The following CACNA1D variants were observed in gnomAD, a reference collection of about 807,000 sequenced individuals.
The protein encoded by CACNA1D is voltage-dependent L-type calcium channel subunit alpha-1D.
In CACNA1D, 55 loss-of-function variants were observed where a neutral mutation model predicts 257.1. The ratio of observed to expected loss-of-function variants is 0.21; its 90% confidence interval spans 0.17 to 0.27. The LOEUF (loss-of-function observed/expected upper bound fraction) is 0.27. Ranked by LOEUF, CACNA1D falls within the 10% of genes least tolerant of loss-of-function variation. CACNA1D has a pLI of 1.00. For synonymous variants in CACNA1D, 980 were observed against 1,014.9 expected (o/e 0.97, Z 0.65); for missense variants, 1,876 against 2,784.0 (o/e 0.67, Z 7.34).
chr3:53,541,901 G>T (rs925673280), intron 3 of CACNA1D, among the ~76,000 whole-genome samples: 2 of 152,132 alleles, frequency 1.3e-5, no homozygotes, highest in Non-Finnish European at 2.9e-5. Context: ...AATCACAAAA[G>T]ACCACGTATT....
rs140481086 is a variant in CACNA1D at position 53,740,504 on chromosome 3, T to G, written c.2811+165T>G. 117 of 668,156 alleles carry G rather than the reference T, an allele frequency of 1.8e-4. No individual in the cohort carries two copies. In the East Asian group the frequency reaches 3.2e-3, roughly 18 times the overall value. The allele number at this position is 668,156 out of a possible 1,614,324, so 41.4% of individuals were successfully genotyped here. ...GTAACAGGTTACCCGGCAGTGTGTT[T>G]AAGGGCTGCTCCTGCGTGTGACACA... is the stretch of plus-strand genomic sequence containing the variant. On this transcript the variant is annotated intron_variant, in intron 21 of 47. Transcript: ENST00000350061.
intron 3 of CACNA1D, among the ~76,000 whole-genome samples, chr3:53,629,107 C>A (rs946804700): frequency 6.6e-6 from 1 of 152,192 alleles, no homozygotes; most frequent in African/African-American, 2.4e-5. Context: ...AGAGCAAAAG[C>A]AGCCTTAGAC....
intron 3 of CACNA1D, among the ~76,000 whole-genome samples, chr3:53,522,937 C>T (rs1044210135): frequency 6.6e-6 from 1 of 152,212 alleles, no homozygotes; most frequent in African/African-American, 2.4e-5. Flanking sequence ...TCTTCTCAGC[C>T]TCTGATAACT....
chr3:53,639,677 C>T (rs762835439), intron 3 of CACNA1D, among the ~76,000 whole-genome samples: 20 of 151,498 alleles, frequency 1.3e-4, no homozygotes, highest in Non-Finnish European at 2.7e-4. Flanking sequence ...TGAGCCACCG[C>T]GCCCGGCTGA....
At chr3:53,587,139 G>C (rs2093232083) in intron 3 of CACNA1D, among the ~76,000 whole-genome samples, 1 of 152,180 alleles carries the variant, frequency 6.6e-6, no homozygotes, top group Non-Finnish European at 1.5e-5. Context: ...GACTGATGTG[G>C]GTTTTAGAAA....
chr3:53,654,582 C>CT (rs917255118), intron 4 of CACNA1D, among the ~76,000 whole-genome samples: 2 of 152,008 alleles, frequency 1.3e-5, no homozygotes, highest in Non-Finnish European at 2.9e-5. Context: ...TAGTTTGAGC[C>CT]TTTTTTTCCC....
Position 53,723,744 on chromosome 3 carries a change from C to G in CACNA1D, c.1893-48C>G, listed in dbSNP as rs1240739780. On this transcript the variant is annotated intron_variant, in intron 13 of 47. Coordinates refer to ENST00000350061, the MANE Select transcript of CACNA1D (RefSeq NM_001128840.3). The surrounding 1 kb of genome is among the most constrained non-coding windows in gnomAD (Gnocchi z 5.6). ...ATCCCCGGGCAGGTGATGTTCTGCTCTGTCCTGCATGGGTGTTCTGAGCTG... is the reference window on the plus strand; with the variant it reads ...ATCCCCGGGCAGGTGATGTTCTGCTGTGTCCTGCATGGGTGTTCTGAGCTG... 4 of 1,589,740 alleles carry G rather than the reference C, an allele frequency of 2.5e-6. No individual in the cohort carries two copies. Among genetic ancestry groups the G allele is most frequent in the Non-Finnish European group, 3.5e-6 (4 of 1,157,816 alleles).
chr3:53,689,746 A>C (rs1417703763), intron 8 of CACNA1D, among the ~76,000 whole-genome samples: 2 of 152,070 alleles, frequency 1.3e-5, no homozygotes, highest in Non-Finnish European at 2.9e-5. Context: ...GCAGCCTCAA[A>C]TTTCTGGGCT....
intron 3 of CACNA1D, among the ~76,000 whole-genome samples, chr3:53,503,702 T>C (rs2090698783): frequency 6.6e-6 from 1 of 152,152 alleles, no homozygotes; most frequent in African/African-American, 2.4e-5. Flanking sequence ...AATGGATTAA[T>C]CTTTCCCTTT....
chr3:53,560,072 T>C (rs1242139957), intron 3 of CACNA1D, among the ~76,000 whole-genome samples: 1 of 151,232 alleles, frequency 6.6e-6, no homozygotes, highest in Non-Finnish European at 1.5e-5. Flanking sequence ...TTTTTTTTTT[T>C]TTTTTTTTTC....
At chr3:53,721,514 G>C (rs1340614178) in intron 11 of CACNA1D, among the ~76,000 whole-genome samples, 1 of 152,240 alleles carries the variant, frequency 6.6e-6, no homozygotes, top group African/African-American at 2.4e-5. Context: ...TTGTGGCAGG[G>C]AAGGTTTTCT....
intron 3 of CACNA1D, among the ~76,000 whole-genome samples, chr3:53,520,900 T>TTTCTTTCTTTCTTTC (rs879622099): frequency 2.4e-4 from 24 of 98,642 alleles, no homozygotes; most frequent in East Asian, 1.4e-3. Flanking sequence ...CTTTCTTTTC[T>TTTCTTTCTTTCTTTC]TTTCTTTTCT....
In CACNA1D at chr3:53,559,484, C is replaced by G. The variant is rs147396454; in HGVS notation, c.483+57764C>G. On this transcript the variant is annotated intron_variant, in intron 3 of 47. Transcript: ENST00000350061. The stretch of plus-strand genomic sequence containing the variant: ...TTATTTCCTTAAGCAGATAATCGAC[C>G]TGGTTGCAAATTCTGACCTGACTTC... Among the ~76,000 whole-genome samples, 255 of 152,210 alleles carry G rather than the reference C, an allele frequency of 1.7e-3. 1 individual carries two copies. In the Middle Eastern group the frequency reaches 0.02, roughly 12 times the overall value.
At chr3:53,680,146 G>T (rs1279226260) in intron 8 of CACNA1D, among the ~76,000 whole-genome samples, 1 of 152,136 alleles carries the variant, frequency 6.6e-6, no homozygotes, top group Non-Finnish European at 1.5e-5. Flanking sequence ...TCTGCCGCTG[G>T]CTTACAGCTA....
At chr3:53,731,264 T>G in intron 17 of CACNA1D, 118 bp downstream of exon 17, 1 of 766,172 alleles carries the variant, frequency 1.3e-6, no homozygotes. Flanking sequence ...TATTTTGGTG[T>G]GAAGAATATG....
intron 3 of CACNA1D, among the ~76,000 whole-genome samples, chr3:53,620,100 CT>C (rs1288583372): frequency 6.6e-6 from 1 of 152,156 alleles, no homozygotes; most frequent in Non-Finnish European, 1.5e-5. Context: ...TGTATCAGCT[CT>C]GGCTGCCTCC....
intron 3 of CACNA1D, among the ~76,000 whole-genome samples, chr3:53,583,909 T>A (rs981531622): frequency 1.3e-5 from 2 of 152,236 alleles, no homozygotes; most frequent in African/African-American, 4.8e-5. Flanking sequence ...TTTCCTTTTT[T>A]AGAAAAGTTC....
intron 3 of CACNA1D, among the ~76,000 whole-genome samples, chr3:53,591,328 C>G (rs552736601): frequency 6.6e-6 from 1 of 152,332 alleles, no homozygotes; most frequent in East Asian, 1.9e-4. Flanking sequence ...CCTTGGCTCA[C>G]TGTGACCTCC....
intron 19 of CACNA1D, among the ~76,000 whole-genome samples, chr3:53,733,366 A>G (rs767331263): frequency 6.6e-5 from 10 of 152,172 alleles, no homozygotes; most frequent in Non-Finnish European, 1.3e-4. Context: ...TTCTGTTAGG[A>G]TGCCTTGTGG....
Sources: gnomAD v4.1 joint callset for allele counts (sites outside exome capture counted in the v4.1 genomes callset) on GRCh38, gnomAD v4.1.1 for gene constraint, Gnocchi (gnomAD v3.1) non-coding constraint, MANE v1.5 for transcripts, NCBI Gene and HGNC (gene_info 2026-07-23, HGNC 2026-07-21) for gene names.